Variants in ZNF892 observed in about 807,000 individuals in gnomAD.
The protein encoded by ZNF892 is zinc finger protein 892.
At chr2:95,244,461 G>A in the ZNF892 span, among the ~76,000 whole-genome samples, 7 of 151,938 alleles carry the variant, frequency 4.6e-5, no homozygotes, top group East Asian at 7.7e-4. Context: ...AGGGCATTAC[G>A]TAATGGTAAC....
the ZNF892 span, among the ~76,000 whole-genome samples, chr2:95,234,326 TTC>T: frequency 6.6e-6 from 1 of 152,142 alleles, no homozygotes; most frequent in South Asian, 2.1e-4. Context: ...GAAAAGTAAT[TTC>T]TCTCTCTGAC....
the ZNF892 span, among the ~76,000 whole-genome samples, chr2:95,237,573 C>A: frequency 6.6e-6 from 1 of 152,118 alleles, no homozygotes. Context: ...CCTACAATGG[C>A]CTCTAAGTGT....
At chr2:95,242,605 C>T in the ZNF892 span, among the ~76,000 whole-genome samples, 1 of 152,166 alleles carries the variant, frequency 6.6e-6, no homozygotes, top group African/African-American at 2.4e-5. Context: ...ATATAACCAG[C>T]TAGCATCATG....
At chr2:95,243,782 G>T in the ZNF892 span, among the ~76,000 whole-genome samples, 1 of 151,950 alleles carries the variant, frequency 6.6e-6, no homozygotes, top group Non-Finnish European at 1.5e-5. Context: ...CCTCAGCCCG[G>T]CCGCCCCTAC....
the ZNF892 span, chr2:95,215,465 A>G: frequency 2.3e-6 from 1 of 440,258 alleles, no homozygotes; most frequent in Non-Finnish European, 4.1e-6. Context: ...AGTGTAAGGA[A>G]TGTGGAAAAG....
the ZNF892 span, chr2:95,207,505 G>A: frequency 6.9e-6 from 2 of 291,758 alleles, no homozygotes; most frequent in Non-Finnish European, 1.3e-5. Flanking sequence ...GCCCCGCGGA[G>A]GATTCTGGGA....
the ZNF892 span, among the ~76,000 whole-genome samples, chr2:95,256,747 A>G: frequency 6.6e-6 from 1 of 152,038 alleles, no homozygotes; most frequent in Non-Finnish European, 1.5e-5. Context: ...ATAGTCCCAT[A>G]TTTCTTGGAG....
At chr2:95,234,487 C>T in the ZNF892 span, among the ~76,000 whole-genome samples, 32 of 152,194 alleles carry the variant, frequency 2.1e-4, no homozygotes, top group Non-Finnish European at 4.3e-4. Flanking sequence ...ACGGACGGGC[C>T]TGGCAGGGCT....
At chr2:95,242,380 A>G in the ZNF892 span, among the ~76,000 whole-genome samples, 1 of 152,214 alleles carries the variant, frequency 6.6e-6, no homozygotes, top group East Asian at 1.9e-4. Context: ...AGAATTACAT[A>G]TCCAGCCAAA....
the ZNF892 span, among the ~76,000 whole-genome samples, chr2:95,216,031 G>C: frequency 3.3e-5 from 5 of 152,298 alleles, no homozygotes; most frequent in South Asian, 2.1e-4. Flanking sequence ...TCCAGAGTCA[G>C]GAGTGGTGGT....
chr2:95,261,893 C>T, the ZNF892 span, among the ~76,000 whole-genome samples: 1 of 152,142 alleles, frequency 6.6e-6, no homozygotes, highest in Non-Finnish European at 1.5e-5. Flanking sequence ...AGGAATGGGC[C>T]CCGTGCAGGC....
At chr2:95,235,962 A>G in the ZNF892 span, among the ~76,000 whole-genome samples, 1 of 152,130 alleles carries the variant, frequency 6.6e-6, no homozygotes, top group Non-Finnish European at 1.5e-5. Context: ...GTCTTCCTAC[A>G]ATCACCTCCA....
chr2:95,252,175 G>GCTGCAGCCATTAACTCATCATTTAATAT, the ZNF892 span, among the ~76,000 whole-genome samples: 1 of 152,016 alleles, frequency 6.6e-6, no homozygotes, highest in Non-Finnish European at 1.5e-5. Flanking sequence ...ATGTTGGTGT[G>GCTGCAGCCATTAACTCATCATTTAATAT]CTGCAGCCAT....
the ZNF892 span, among the ~76,000 whole-genome samples, chr2:95,241,911 A>G: frequency 1.3e-5 from 2 of 152,312 alleles, no homozygotes; most frequent in African/African-American, 2.4e-5. Flanking sequence ...CTCAAAGGCT[A>G]TCTTTCTGAA....
chr2:95,211,519 CCTTT>C, the ZNF892 span: 21 of 396,002 alleles, frequency 5.3e-5, no homozygotes, highest in Middle Eastern at 3.2e-3. Flanking sequence ...CTTTTTTTAT[CCTTT>C]CTGTCTTCCT....
the ZNF892 span, among the ~76,000 whole-genome samples, chr2:95,243,275 G>A: frequency 1.1e-4 from 16 of 151,724 alleles, no homozygotes; most frequent in South Asian, 8.4e-4. Context: ...CCGCCACCCC[G>A]TCTGGGAAGT....
chr2:95,235,563 A>T, the ZNF892 span, among the ~76,000 whole-genome samples: 1 of 152,012 alleles, frequency 6.6e-6, no homozygotes, highest in Non-Finnish European at 1.5e-5. Flanking sequence ...GGGTTTTACC[A>T]TGTTAGCCAG....
the ZNF892 span, among the ~76,000 whole-genome samples, chr2:95,213,485 C>T: frequency 6.6e-6 from 1 of 152,112 alleles, no homozygotes; most frequent in Non-Finnish European, 1.5e-5. Context: ...TACTAGGAAG[C>T]CCAGGAACTT....
At chr2:95,210,528 G>A in the ZNF892 span, among the ~76,000 whole-genome samples, 1 of 152,088 alleles carries the variant, frequency 6.6e-6, no homozygotes, top group African/African-American at 2.4e-5. Flanking sequence ...CTAGATGAAG[G>A]TTAGGCTAAA....
Sources: allele counts gnomAD v4.1 joint callset (sites outside exome capture counted in the v4.1 genomes callset), GRCh38; gene constraint gnomAD v4.1.1; transcripts MANE v1.5; gene names NCBI Gene and HGNC (gene_info 2026-07-23, HGNC 2026-07-21).